The following HSD17B12 variants were observed in gnomAD, a reference collection of about 807,000 sequenced individuals.
HSD17B12 encodes the protein very-long-chain 3-oxoacyl-CoA reductase.
In HSD17B12, 32 loss-of-function variants were observed where a neutral mutation model predicts 39.3. The observed-to-expected ratio is 0.81, with a 90% CI of 0.61 to 1.09. The LOEUF is 1.09. HSD17B12 is among the 50% of genes least tolerant of loss of function. The probability of loss-of-function intolerance (pLI) is 0.00; values close to 1 mark genes in which losing one functional copy is unlikely to be tolerated. For synonymous variants in HSD17B12, 150 were observed against 146.7 expected (o/e 1.02, Z -0.16); for missense variants, 342 against 382.9 (o/e 0.89, Z 0.89).
At chr11:43,681,590 T>A (rs1949745280) in intron 1 of HSD17B12, among the ~76,000 whole-genome samples, 5 of 152,174 alleles carry the variant, frequency 3.3e-5, no homozygotes. Context: ...AAAGGAATTC[T>A]CGCTAAACTG....
intron 3 of HSD17B12, among the ~76,000 whole-genome samples, chr11:43,781,783 A>G (rs1357474336): frequency 6.6e-6 from 1 of 151,872 alleles, no homozygotes; most frequent in Non-Finnish European, 1.5e-5. Context: ...AGTGTAATTA[A>G]CTAATGCTTT....
chr11:43,559,518 T>C, the HSD17B12 span: 1 of 154,468 alleles, frequency 6.5e-6, no homozygotes, highest in African/African-American at 2.4e-5. Flanking sequence ...CACAACAGTA[T>C]GCATGTGGGT....
the HSD17B12 span, among the ~76,000 whole-genome samples, chr11:43,659,175 C>T: frequency 1.3e-5 from 2 of 152,228 alleles, no homozygotes; most frequent in East Asian, 3.8e-4. Flanking sequence ...GCTCCATGGG[C>T]GTAGGACCCT....
the HSD17B12 span, among the ~76,000 whole-genome samples, chr11:43,564,223 C>A: frequency 2.6e-5 from 4 of 152,184 alleles, no homozygotes; most frequent in East Asian, 7.7e-4. Flanking sequence ...CTTACCCTGA[C>A]CACCACATCT....
intron 9 of HSD17B12, among the ~76,000 whole-genome samples, chr11:43,844,383 G>A (rs1033671888): frequency 6.6e-6 from 1 of 152,118 alleles, no homozygotes; most frequent in Admixed American, 6.5e-5. Flanking sequence ...TCCTGGGAAT[G>A]CAAAAACACA....
At chr11:43,815,644 G>T (rs1951115456) in intron 5 of HSD17B12, 143 bp downstream of exon 5, 1 of 485,398 alleles carries the variant, frequency 2.1e-6, no homozygotes, top group East Asian at 3.0e-5. Context: ...CCTGGGTATG[G>T]GCCTAGCCAT....
chr11:43,679,021 T>C (rs550023003), upstream of HSD17B12, among the ~76,000 whole-genome samples: 302 of 152,332 alleles, frequency 2.0e-3, 1 homozygote, highest in Non-Finnish European at 2.0e-3. Flanking sequence ...TACATTACCT[T>C]GGGCAGTATG....
chr11:43,674,667 C>A, the HSD17B12 span, among the ~76,000 whole-genome samples: 6 of 152,226 alleles, frequency 3.9e-5, no homozygotes, highest in African/African-American at 1.4e-4. Context: ...AATAGCCCTA[C>A]ACCAACAATT....
At chr11:43,625,730 C>T in the HSD17B12 span, among the ~76,000 whole-genome samples, 2 of 151,266 alleles carry the variant, frequency 1.3e-5, no homozygotes, top group Admixed American at 1.3e-4. Flanking sequence ...TGTCAGCTTA[C>T]TCTTGATATC....
intron 1 of HSD17B12, among the ~76,000 whole-genome samples, chr11:43,703,423 C>T (rs974695276): frequency 3.9e-5 from 6 of 151,992 alleles, no homozygotes; most frequent in African/African-American, 9.7e-5. Flanking sequence ...CTCGATCTCC[C>T]GACCTCGTGA....
chr11:43,769,946 A>C (rs891811711), intron 3 of HSD17B12, among the ~76,000 whole-genome samples: 3 of 152,198 alleles, frequency 2.0e-5, no homozygotes, highest in African/African-American at 7.2e-5. Context: ...AAAATTCTCC[A>C]CATTTTCTCT....
chr11:43,595,063 C>T, the HSD17B12 span, among the ~76,000 whole-genome samples: 1 of 152,148 alleles, frequency 6.6e-6, no homozygotes, highest in South Asian at 2.1e-4. Context: ...ATCTGAACTG[C>T]ACAAATATTA....
At chr11:43,850,376 C>T (rs1474139996) in intron 9 of HSD17B12, among the ~76,000 whole-genome samples, 2 of 152,178 alleles carry the variant, frequency 1.3e-5, no homozygotes, top group Admixed American at 6.5e-5. Context: ...GCCCCAGCTT[C>T]TGCCTTAAGA....
At chr11:43,695,216 A>G (rs1305718938) in intron 1 of HSD17B12, among the ~76,000 whole-genome samples, 1 of 152,168 alleles carries the variant, frequency 6.6e-6, no homozygotes, top group African/African-American at 2.4e-5. Context: ...TTAACCAAAT[A>G]TCTTCTGAAT....
At chr11:43,711,607 T>G (rs763839463) in intron 1 of HSD17B12, among the ~76,000 whole-genome samples, 17 of 151,974 alleles carry the variant, frequency 1.1e-4, no homozygotes, top group Middle Eastern at 6.8e-3. Flanking sequence ...CCCAAGTAGC[T>G]GCAGCTACAC....
chr11:43,687,216 A>T (rs926038967), intron 1 of HSD17B12, among the ~76,000 whole-genome samples: 1 of 152,188 alleles, frequency 6.6e-6, no homozygotes, highest in Non-Finnish European at 1.5e-5. Flanking sequence ...AGCAATTCAT[A>T]TGCATGTCAT....
chr11:43,681,129 C>T (rs981279540), intron 1 of HSD17B12, 142 bp downstream of exon 1: 8 of 1,419,620 alleles, frequency 5.6e-6, no homozygotes, highest in Non-Finnish European at 7.3e-6. Context: ...CCGCGGGCCC[C>T]TCCTGGCTCC....
intron 3 of HSD17B12, among the ~76,000 whole-genome samples, chr11:43,787,824 CAA>C (rs1950830177): frequency 6.6e-6 from 1 of 151,960 alleles, no homozygotes; most frequent in Admixed American, 6.6e-5. Context: ...TTTCTGCCCC[CAA>C]AGTTCCCTTT....
the HSD17B12 span, among the ~76,000 whole-genome samples, chr11:43,573,372 C>T: frequency 1.3e-5 from 2 of 152,156 alleles, no homozygotes; most frequent in African/African-American, 2.4e-5. Context: ...TAACTTTCTG[C>T]AGATGTTTCT....
Sources: allele counts gnomAD v4.1 joint callset (sites outside exome capture counted in the v4.1 genomes callset), GRCh38; gene constraint gnomAD v4.1.1; transcripts MANE v1.5; gene names NCBI Gene and HGNC (gene_info 2026-07-23, HGNC 2026-07-21).